ATP11A: variants seen among roughly 807,000 people sequenced by gnomAD.
The protein encoded by ATP11A is ATPase phospholipid transporting 11A.
ATP11A carries 81 observed loss-of-function variants against 154.4 expected under a neutral mutation model. The observed-to-expected ratio is 0.52, with a 90% CI of 0.44 to 0.63. ATP11A has a LOEUF of 0.63. ATP11A is among the 30% of genes least tolerant of loss of function. ATP11A has a pLI of 0.00. For missense variants in ATP11A, 1,316 were observed against 1,474.3 expected (o/e 0.89, Z 1.76); for synonymous variants, 623 against 585.9 (o/e 1.06, Z -0.91).
chr13:112,747,520 G>C (rs1039708783), intron 1 of ATP11A: 2 of 152,234 alleles, frequency 1.3e-5, no homozygotes, highest in African/African-American at 4.8e-5. Context: ...TAGCCCTACT[G>C]TAGCTTTTTA....
At chr13:112,827,274 GT>G (rs1029329319) in intron 12 of ATP11A, among the ~76,000 whole-genome samples, 1 of 152,254 alleles carries the variant, frequency 6.6e-6, no homozygotes, top group African/African-American at 2.4e-5. Context: ...CAGATTTTCA[GT>G]GACTTGGTGG....
At chr13:112,702,798 C>T (rs775038332) in intron 1 of ATP11A, among the ~76,000 whole-genome samples, 3 of 152,242 alleles carry the variant, frequency 2.0e-5, no homozygotes, top group Non-Finnish European at 2.9e-5. Flanking sequence ...GTGCGTGTCT[C>T]GCAGCGCCCC....
intron 12 of ATP11A, among the ~76,000 whole-genome samples, chr13:112,828,599 GCAA>G (rs2079009477): frequency 6.6e-6 from 1 of 150,906 alleles, no homozygotes; most frequent in Non-Finnish European, 1.5e-5. Context: ...GGTGTTGAGT[GCAA>G]GGGAAAGCGC....
chr13:112,790,924 A>G (rs994351751), intron 2 of ATP11A, among the ~76,000 whole-genome samples: 1 of 152,224 alleles, frequency 6.6e-6, no homozygotes, highest in Middle Eastern at 3.2e-3. Flanking sequence ...AGGATATGTA[A>G]ATGCTGAAAA....
At position 112,882,606 on chromosome 13, in the gene ATP11A, G is replaced by A; in HGVS notation, c.*740G>A. Reference sequence around the variant, plus strand: ...TCCAAGCCCGCCTGCCCTGTGTGTTGGGGCTGGCTGAGTTTCGGTCTCCCC... The same window carrying A: ...TCCAAGCCCGCCTGCCCTGTGTGTTAGGGCTGGCTGAGTTTCGGTCTCCCC... On this transcript the variant is annotated 3_prime_UTR_variant, in exon 30 of 30. Coordinates refer to ENST00000375645, the MANE Select transcript of ATP11A (RefSeq NM_015205.3). The surrounding 1 kb of genome is among the most constrained non-coding windows in gnomAD (Gnocchi z 5.1). 1 of 402,088 alleles carries A rather than the reference G, an allele frequency of 2.5e-6. No individual in the cohort carries two copies. Among genetic ancestry groups the A allele is most frequent in the East Asian group, 3.6e-5 (1 of 28,128 alleles). 24.9% of individuals were successfully genotyped at this position (402,088 alleles called of 1,614,324 possible).
At chr13:112,740,189 TA>T (rs1245098395) in intron 1 of ATP11A, among the ~76,000 whole-genome samples, 1 of 151,550 alleles carries the variant, frequency 6.6e-6, no homozygotes, top group Non-Finnish European at 1.5e-5. Flanking sequence ...TATGTATATA[TA>T]TTTTTTTGAG....
At chr13:112,758,040 A>G (rs112983145) in intron 1 of ATP11A, among the ~76,000 whole-genome samples, 2,115 of 152,254 alleles carry the variant, frequency 0.014, 44 homozygotes, top group African/African-American at 0.04. Context: ...CCAAGTCTCA[A>G]CCTTTGTTTT....
chr13:112,867,434 G>T (rs2080372530), intron 25 of ATP11A, among the ~76,000 whole-genome samples: 1 of 152,202 alleles, frequency 6.6e-6, no homozygotes, highest in South Asian at 2.1e-4. Flanking sequence ...GACTTCAGGG[G>T]CAAGGACACG....
At chr13:112,731,430 T>C (rs1890472702) in intron 1 of ATP11A, among the ~76,000 whole-genome samples, 1 of 152,184 alleles carries the variant, frequency 6.6e-6, no homozygotes, top group Admixed American at 6.5e-5. Flanking sequence ...TCATTCCCAC[T>C]CCATTCCCAG....
chr13:112,810,834 G>A (rs937952012), intron 5 of ATP11A, 108 bp downstream of exon 5: 20 of 937,872 alleles, frequency 2.1e-5, no homozygotes, highest in Non-Finnish European at 3.3e-5. Flanking sequence ...TACTCAGGAG[G>A]CTGAGGCAGG....
chr13:112,712,675 T>C (rs1887901196), intron 1 of ATP11A, among the ~76,000 whole-genome samples: 2 of 152,170 alleles, frequency 1.3e-5, no homozygotes, highest in African/African-American at 4.8e-5. Flanking sequence ...CCACAGAGAC[T>C]GGAAACCTGT....
At chr13:112,736,878 C>T (rs1396926384) in intron 1 of ATP11A, among the ~76,000 whole-genome samples, 3 of 152,140 alleles carry the variant, frequency 2.0e-5, no homozygotes, top group African/African-American at 7.2e-5. Flanking sequence ...AGAGGATTGG[C>T]AGAGCGCAGG....
At chr13:112,851,245 TGA>T (rs1177119146) in intron 18 of ATP11A, 27 bp downstream of exon 18, 1 of 1,596,538 alleles carries the variant, frequency 6.3e-7, no homozygotes, top group Non-Finnish European at 8.6e-7. Context: ...CATCCCGTCC[TGA>T]GAGACAAACT....
chr13:112,835,020 G>A (rs2079193751), intron 15 of ATP11A, among the ~76,000 whole-genome samples: 1 of 152,274 alleles, frequency 6.6e-6, no homozygotes, highest in Admixed American at 6.5e-5. Context: ...CTCCACGAGG[G>A]GAGTGAGCAG....
chr13:112,795,226 C>G (rs1373969632), intron 2 of ATP11A, among the ~76,000 whole-genome samples: 1 of 152,196 alleles, frequency 6.6e-6, no homozygotes, highest in Non-Finnish European at 1.5e-5. Flanking sequence ...GCCTGGGCGA[C>G]AGAGTGAGAC....
intron 1 of ATP11A, among the ~76,000 whole-genome samples, chr13:112,759,069 A>C (rs2139862790): frequency 6.6e-6 from 1 of 152,336 alleles, no homozygotes; most frequent in Middle Eastern, 3.4e-3. Context: ...CTCTTGTAAA[A>C]ACAGCAACGT....
chr13:112,846,983 C>T (rs559842916), intron 17 of ATP11A, among the ~76,000 whole-genome samples: 7 of 152,300 alleles, frequency 4.6e-5, no homozygotes, highest in African/African-American at 1.7e-4. Flanking sequence ...GGAGCTTCCT[C>T]ACAGTTGCAG....
At chr13:112,732,732 C>T (rs1890620442) in intron 1 of ATP11A, among the ~76,000 whole-genome samples, 1 of 152,182 alleles carries the variant, frequency 6.6e-6, no homozygotes, top group African/African-American at 2.4e-5. Context: ...ACGCCTCATC[C>T]TCCCGAGTAT....
rs547844320 is a variant in ATP11A, at chr13:112,777,758, C to T, written c.40-7377C>T. On this transcript the variant is annotated intron_variant, in intron 1 of 29. Transcript: ENST00000375645. ...GCCGGAAGGCTGCCAGGATGCTGTG[C>T]GGTGCCAGGTCCTGAGCACACATAT... Among the ~76,000 whole-genome samples, 68 of 152,288 alleles carry T rather than the reference C, an allele frequency of 4.5e-4. No homozygotes were observed. The East Asian group carries it at 4.6e-3, about 10-fold the overall frequency.
Sources: gnomAD v4.1 joint callset for allele counts (sites outside exome capture counted in the v4.1 genomes callset) on GRCh38, gnomAD v4.1.1 for gene constraint, Gnocchi (gnomAD v3.1) non-coding constraint, MANE v1.5 for transcripts, NCBI Gene and HGNC (gene_info 2026-07-23, HGNC 2026-07-21) for gene names.